The following GPHN variants were observed in gnomAD, a reference collection of about 807,000 sequenced individuals.
GPHN encodes the protein gephyrin.
In GPHN, 17 loss-of-function variants were observed where a neutral mutation model predicts 95.5. The ratio of observed to expected loss-of-function variants is 0.18; its 90% confidence interval spans 0.12 to 0.27. The LOEUF is 0.27. Ranked by LOEUF, GPHN falls within the 10% of genes least tolerant of loss-of-function variation. The probability of loss-of-function intolerance (pLI) is 1.00; values close to 1 mark genes in which losing one functional copy is unlikely to be tolerated. For missense variants in GPHN, 660 were observed against 978.1 expected (o/e 0.67, Z 4.34); for synonymous variants, 320 against 322.5 (o/e 0.99, Z 0.08).
At chr14:66,815,038 T>C (rs1354354507) in intron 3 of GPHN, among the ~76,000 whole-genome samples, 1 of 151,976 alleles carries the variant, frequency 6.6e-6, no homozygotes, top group Non-Finnish European at 1.5e-5. Flanking sequence ...AATAGCAGAA[T>C]AGAACAAGCT....
intron 4 of GPHN, among the ~76,000 whole-genome samples, chr14:66,863,753 A>G (rs1029484995): frequency 6.6e-6 from 1 of 152,170 alleles, no homozygotes; most frequent in Non-Finnish European, 1.5e-5. Context: ...TGCTGGGAAA[A>G]CTGAATATTT....
At chr14:67,612,655 G>T in the GPHN span, among the ~76,000 whole-genome samples, 1 of 152,170 alleles carries the variant, frequency 6.6e-6, no homozygotes, top group Admixed American at 6.5e-5. Context: ...TAAGAAAATA[G>T]GCTGGGTGCG....
chr14:66,945,524 T>C (rs2067697508), intron 8 of GPHN, among the ~76,000 whole-genome samples: 1 of 152,166 alleles, frequency 6.6e-6, no homozygotes, highest in South Asian at 2.1e-4. Context: ...CTGTGTACAA[T>C]GTACACTGCT....
At chr14:67,012,003 T>G (rs566424338) in intron 9 of GPHN, among the ~76,000 whole-genome samples, 1 of 152,300 alleles carries the variant, frequency 6.6e-6, no homozygotes, top group South Asian at 2.1e-4. Context: ...CAAACTGGAA[T>G]GCAAATGAAA....
the GPHN span, among the ~76,000 whole-genome samples, chr14:67,451,800 G>A: frequency 4.6e-5 from 7 of 152,196 alleles, no homozygotes; most frequent in East Asian, 7.7e-4. Context: ...GACTTTGAGG[G>A]ACTGTTGGGA....
chr14:67,016,892 G>C (rs1369087288), intron 9 of GPHN, among the ~76,000 whole-genome samples: 1 of 152,004 alleles, frequency 6.6e-6, no homozygotes, highest in Non-Finnish European at 1.5e-5. Flanking sequence ...TATTCATAAA[G>C]ATAATAAGAA....
chr14:67,112,949 A>G, intron 15 of GPHN, 69 bp from the exon 16 acceptor site: 1 of 1,442,612 alleles, frequency 6.9e-7, no homozygotes, highest in Non-Finnish European at 9.8e-7. Flanking sequence ...TTGACACTAA[A>G]GTTTCCCTCT....
At chr14:67,101,012 A>G in intron 13 of GPHN, 101 bp downstream of exon 13, 1 of 749,660 alleles carries the variant, frequency 1.3e-6, no homozygotes, top group South Asian at 1.4e-5. Context: ...AATTAGAGAG[A>G]GATTAGTCAG....
chr14:66,930,136 GTTA>G (rs2066708887), intron 8 of GPHN, among the ~76,000 whole-genome samples: 1 of 152,146 alleles, frequency 6.6e-6, no homozygotes, highest in African/African-American at 2.4e-5. Flanking sequence ...TACATTCAGT[GTTA>G]TTATTGATAA....
chr14:67,626,633 G>T, the GPHN span, among the ~76,000 whole-genome samples: 1 of 152,114 alleles, frequency 6.6e-6, no homozygotes, highest in Non-Finnish European at 1.5e-5. Context: ...ACCATGCCCA[G>T]CTAACTTTTG....
the GPHN span, among the ~76,000 whole-genome samples, chr14:67,328,142 C>T: frequency 2.0e-5 from 3 of 152,184 alleles, no homozygotes; most frequent in Non-Finnish European, 4.4e-5. Context: ...TCTCCAGCAC[C>T]TGTTGTTTCC....
intron 1 of GPHN, among the ~76,000 whole-genome samples, chr14:66,677,874 T>TTA (rs760619915): frequency 6.6e-6 from 1 of 152,188 alleles, no homozygotes; most frequent in Non-Finnish European, 1.5e-5. Context: ...TATAGTGTTA[T>TTA]TAATCAGTAG....
chr14:67,290,007 C>T, the GPHN span, among the ~76,000 whole-genome samples: 1 of 152,000 alleles, frequency 6.6e-6, no homozygotes, highest in Admixed American at 6.6e-5. Flanking sequence ...CTCCTGACCT[C>T]ATGATCCACC....
chr14:66,627,755 T>A (rs1306387064), intron 1 of GPHN, among the ~76,000 whole-genome samples: 1 of 152,118 alleles, frequency 6.6e-6, no homozygotes, highest in South Asian at 2.1e-4. Context: ...TTACAGTGAA[T>A]TATTTTGCGT....
At chr14:66,539,211 C>T (rs1194678810) in intron 1 of GPHN, among the ~76,000 whole-genome samples, 2 of 151,232 alleles carry the variant, frequency 1.3e-5, no homozygotes, top group Non-Finnish European at 3.0e-5. Flanking sequence ...GTGTTTTTTG[C>T]GGTTTGTCCC....
the GPHN span, among the ~76,000 whole-genome samples, chr14:67,316,008 A>G: frequency 6.6e-6 from 1 of 152,230 alleles, no homozygotes; most frequent in Non-Finnish European, 1.5e-5. Flanking sequence ...TACGAAATGC[A>G]CTAAGTTCTA....
chr14:67,583,019 A>G, the GPHN span, among the ~76,000 whole-genome samples: 2 of 152,158 alleles, frequency 1.3e-5, no homozygotes, highest in Non-Finnish European at 2.9e-5. Context: ...CCTTCCCATT[A>G]TATTTAGAAG....
the GPHN span, among the ~76,000 whole-genome samples, chr14:67,455,774 A>T: frequency 6.6e-6 from 1 of 152,194 alleles, no homozygotes. Flanking sequence ...CACACATATT[A>T]ATTAAGCACC....
At chr14:67,332,806 G>A in the GPHN span, 6,679 of 1,612,236 alleles carry the variant, frequency 4.1e-3, 87 homozygotes, top group Non-Finnish European at 2.9e-3. Flanking sequence ...AAATCATTGA[G>A]AAGACAAGAG....
Sources: allele counts gnomAD v4.1 joint callset (sites outside exome capture counted in the v4.1 genomes callset), GRCh38; gene constraint gnomAD v4.1.1; transcripts MANE v1.5; gene names NCBI Gene and HGNC (gene_info 2026-07-23, HGNC 2026-07-21).